Variants in SCAPER observed in about 807,000 individuals in gnomAD.
SCAPER encodes the protein S phase cyclin A-associated protein in the endoplasmic reticulum.
A neutral mutation model predicts 182.2 loss-of-function variants in SCAPER; 98 were observed. That is an observed-to-expected ratio of 0.54 (90% CI 0.46 to 0.64). SCAPER has a LOEUF of 0.64. SCAPER is among the 30% of genes least tolerant of loss of function. The pLI, the probability that SCAPER is intolerant of heterozygous loss-of-function variation, is 0.00. For missense variants in SCAPER, 1,432 were observed against 1,690.0 expected (o/e 0.85, Z 2.68); for synonymous variants, 605 against 564.6 (o/e 1.07, Z -1.01).
intron 8 of SCAPER, among the ~76,000 whole-genome samples, chr15:76,776,421 T>C (rs575161253): frequency 6.6e-6 from 1 of 152,020 alleles, no homozygotes; most frequent in Non-Finnish European, 1.5e-5. Context: ...AATTCCCCTA[T>C]CCAAGTAGCA....
intron 17 of SCAPER, among the ~76,000 whole-genome samples, chr15:76,706,924 T>C (rs924333462): frequency 6.6e-6 from 1 of 152,074 alleles, no homozygotes; most frequent in Non-Finnish European, 1.5e-5. Context: ...CGCCTAGTTC[T>C]CTTAAACATA....
chr15:76,852,652 G>C (rs1048732298), intron 4 of SCAPER, among the ~76,000 whole-genome samples: 2 of 152,114 alleles, frequency 1.3e-5, no homozygotes, highest in African/African-American at 4.8e-5. Flanking sequence ...GAGAACAAAA[G>C]ATACAACATA....
chr15:76,547,205 G>C (rs2045369162), intron 23 of SCAPER, among the ~76,000 whole-genome samples: 2 of 152,108 alleles, frequency 1.3e-5, no homozygotes. Flanking sequence ...CCCATATTTA[G>C]TATTTTGAAC....
intron 15 of SCAPER, among the ~76,000 whole-genome samples, chr15:76,741,438 G>C (rs556323068): frequency 2.6e-5 from 4 of 152,244 alleles, no homozygotes; most frequent in African/African-American, 9.6e-5. Flanking sequence ...AAAAGTCCCT[G>C]AAGGTTTTTG....
chr15:76,400,004 CAAAAA>C (rs11286576), intron 27 of SCAPER, among the ~76,000 whole-genome samples: 3 of 114,728 alleles, frequency 2.6e-5, no homozygotes, highest in Non-Finnish European at 3.7e-5. Flanking sequence ...GACTCCGTCT[CAAAAA>C]AAAAAAAAAA....
At chr15:76,431,756 C>T (rs1247503993) in intron 26 of SCAPER, among the ~76,000 whole-genome samples, 5 of 138,774 alleles carry the variant, frequency 3.6e-5, no homozygotes, top group African/African-American at 1.4e-4. Flanking sequence ...CAGTTTTACA[C>T]AGTCCTCACC....
chr15:76,472,347 G>A (rs878901996), intron 24 of SCAPER: 2 of 710,104 alleles, frequency 2.8e-6, no homozygotes, highest in South Asian at 2.7e-5. Flanking sequence ...GAAAGCTGAA[G>A]GTGCTGGAGA....
chr15:76,814,630 T>A (rs1313263249), intron 5 of SCAPER, among the ~76,000 whole-genome samples: 1 of 152,120 alleles, frequency 6.6e-6, no homozygotes, highest in Non-Finnish European at 1.5e-5. Context: ...ATTAAAGATG[T>A]AAACATGAGA....
At chr15:76,473,636 C>G (rs780520968) in intron 24 of SCAPER, among the ~76,000 whole-genome samples, 1 of 152,122 alleles carries the variant, frequency 6.6e-6, no homozygotes, top group Non-Finnish European at 1.5e-5. Flanking sequence ...GTAAGAAATG[C>G]AAATTCTCAA....
intron 23 of SCAPER, among the ~76,000 whole-genome samples, chr15:76,546,000 C>G (rs1043575519): frequency 2.0e-5 from 3 of 152,166 alleles, no homozygotes; most frequent in African/African-American, 7.2e-5. Flanking sequence ...AAGTCCTGAT[C>G]AGCCAGCGGA....
In SCAPER at chr15:76,593,885, G is replaced by T. The variant is rs180852567; in HGVS notation, c.2712-19601C>A. Among the ~76,000 whole-genome samples the T allele has an allele frequency of 1.6e-5, 2 of 121,334 alleles. 1 individual carries two copies. Among genetic ancestry groups the T allele is most frequent in the Non-Finnish European group, 4.0e-5 (2 of 49,986 alleles). The allele number at this position is 121,334 out of a possible 152,430, so 79.6% of individuals were successfully genotyped here. ...GATGAGGAAAAACCAGCACAAAAAG[G>T]CTGAAAATTCCAAACACCAGAAGGC... On this transcript the variant is annotated intron_variant, in intron 22 of 31. Coordinates refer to ENST00000563290, the MANE Select transcript of SCAPER (RefSeq NM_020843.4).
intron 19 of SCAPER, 113 bp from the exon 20 acceptor site, chr15:76,701,978 T>C (rs1282340397): frequency 2.0e-5 from 12 of 600,628 alleles, no homozygotes; most frequent in South Asian, 1.3e-4. Flanking sequence ...AGTATTTACA[T>C]ATTAGTCTTA....
chr15:76,766,403 G>A (rs1471481509), intron 11 of SCAPER, among the ~76,000 whole-genome samples: 5 of 151,916 alleles, frequency 3.3e-5, no homozygotes, highest in Non-Finnish European at 5.9e-5. Flanking sequence ...CCTACTTTTT[G>A]TTAATAGAAT....
chr15:76,559,862 A>ACCT (rs1313461533), intron 23 of SCAPER, among the ~76,000 whole-genome samples: 1 of 152,262 alleles, frequency 6.6e-6, no homozygotes, highest in South Asian at 2.1e-4. Context: ...CTAAGTAACA[A>ACCT]ACCTGCATAT....
At chr15:76,565,349 A>C (rs1312137970) in intron 23 of SCAPER, among the ~76,000 whole-genome samples, 1 of 152,158 alleles carries the variant, frequency 6.6e-6, no homozygotes, top group Non-Finnish European at 1.5e-5. Context: ...CAATAACCCC[A>C]TTACAAAGTG....
At chr15:76,826,402 A>G (rs35560916) in intron 5 of SCAPER, among the ~76,000 whole-genome samples, 16,480 of 113,766 alleles carry the variant, frequency 0.14, 1,081 homozygotes, top group African/African-American at 0.19. Flanking sequence ...TCACACTCTG[A>G]GGACTGTTGT....
intron 1 of SCAPER, among the ~76,000 whole-genome samples, chr15:76,896,960 T>C (rs2074470882): frequency 6.6e-6 from 1 of 152,060 alleles, no homozygotes; most frequent in African/African-American, 2.4e-5. Context: ...AATATTAATT[T>C]TTTTTTTTAA....
chr15:76,800,181 T>C, intron 7 of SCAPER, 67 bp downstream of exon 7: 2 of 896,036 alleles, frequency 2.2e-6, no homozygotes, highest in Non-Finnish European at 3.5e-6. Flanking sequence ...ATCAGAATCA[T>C]AATACTATAA....
At position 76,440,544 on chromosome 15, in the gene SCAPER, T is replaced by C. The variant is rs191236135; in HGVS notation, c.3079-6234A>G. Among the ~76,000 whole-genome samples, 367 of 152,298 alleles carry C rather than the reference T, an allele frequency of 2.4e-3. 2 individuals are homozygous for C. Among genetic ancestry groups the C allele is most frequent in the African/African-American group, 8.4e-3 (349 of 41,564 alleles). ...ACATATTTTCAAGCTGTACAGTGTATACAGAATGCTCAGAATATGAATTAG... is the reference window on the plus strand; with the variant it reads ...ACATATTTTCAAGCTGTACAGTGTACACAGAATGCTCAGAATATGAATTAG... On this transcript the variant is annotated intron_variant, in intron 25 of 31. Transcript: ENST00000563290.
Sources: gnomAD v4.1 joint callset for allele counts (sites outside exome capture counted in the v4.1 genomes callset) on GRCh38, gnomAD v4.1.1 for gene constraint, MANE v1.5 for transcripts, NCBI Gene and HGNC (gene_info 2026-07-23, HGNC 2026-07-21) for gene names.